KCNIP4: variants seen among roughly 807,000 people sequenced by gnomAD.
The protein encoded by KCNIP4 is Kv channel-interacting protein 4.
Under a neutral mutation model 34.0 loss-of-function variants are expected in KCNIP4, and 12 were observed. The ratio of observed to expected loss-of-function variants is 0.35; its 90% confidence interval spans 0.23 to 0.57. KCNIP4 has a LOEUF of 0.57. Among genes scored for constraint, KCNIP4 ranks in the 20% least tolerant of loss-of-function variants. The pLI is 0.83. For synonymous variants in KCNIP4, 124 were observed against 102.2 expected (o/e 1.21, Z -1.29); for missense variants, 238 against 311.7 (o/e 0.76, Z 1.78).
intron 1 of KCNIP4, among the ~76,000 whole-genome samples, chr4:21,922,140 G>C (rs944948431): frequency 6.6e-6 from 1 of 152,182 alleles, no homozygotes; most frequent in African/African-American, 2.4e-5. Context: ...CCTCCAGATA[G>C]TCACATAGAT....
In KCNIP4 at chr4:21,370,986, G is replaced by A. The variant is rs527986017; in HGVS notation, c.62-488277C>T. ...AGCCAAATCTTTGAGCAGTGGAAGG[G>A]GTAGGGATCTAGCTCACAAATATGG... is the stretch of plus-strand genomic sequence containing the variant. On this transcript the variant is annotated intron_variant, in intron 1 of 8. Transcript: ENST00000382152. 3.1e-4 allele frequency among the ~76,000 whole-genome samples: 43 copies of A among 138,574 alleles called. 1 individual carries two copies. The Middle Eastern group carries it at 0.017, about 56-fold the overall frequency. 90.9% of individuals were successfully genotyped at this position (138,574 alleles called of 152,430 possible).
At chr4:21,307,976 T>A (rs551719851) in intron 1 of KCNIP4, among the ~76,000 whole-genome samples, 87 of 152,344 alleles carry the variant, frequency 5.7e-4, no homozygotes, top group Middle Eastern at 3.4e-3. Context: ...GATAAGTACC[T>A]TGGATAGCAT....
chr4:21,626,546 T>G (rs1276135480), intron 1 of KCNIP4, among the ~76,000 whole-genome samples: 1 of 151,830 alleles, frequency 6.6e-6, no homozygotes, highest in Non-Finnish European at 1.5e-5. Context: ...AAAATAAATT[T>G]CTGTTGTTTA....
intron 2 of KCNIP4, among the ~76,000 whole-genome samples, chr4:20,882,147 GA>G (rs1355075401): frequency 6.6e-6 from 1 of 152,198 alleles, no homozygotes; most frequent in Non-Finnish European, 1.5e-5. Context: ...CAACAAAGAA[GA>G]AAAGTCACGT....
At chr4:21,321,104 T>A in intron 1 of KCNIP4, among the ~76,000 whole-genome samples, 1 of 151,974 alleles carries the variant, frequency 6.6e-6, no homozygotes, top group Non-Finnish European at 1.5e-5. Flanking sequence ...TCAAAAGACC[T>A]CAGTAAGAAC....
At chr4:21,386,212 C>T (rs1186120147) in intron 1 of KCNIP4, among the ~76,000 whole-genome samples, 2 of 152,136 alleles carry the variant, frequency 1.3e-5, no homozygotes, top group Non-Finnish European at 2.9e-5. Flanking sequence ...TACCTTTCCT[C>T]TTAGACAATA....
intron 1 of KCNIP4, among the ~76,000 whole-genome samples, chr4:21,819,951 T>C (rs933754672): frequency 3.3e-5 from 5 of 152,122 alleles, no homozygotes; most frequent in Non-Finnish European, 7.4e-5. Flanking sequence ...CTTAAAATAC[T>C]GGAGCAATGC....
chr4:20,738,235 A>G (rs923604528), intron 5 of KCNIP4, among the ~76,000 whole-genome samples: 3 of 152,232 alleles, frequency 2.0e-5, no homozygotes, highest in African/African-American at 4.8e-5. Context: ...GAAAGGCTAG[A>G]TGAGATTGAT....
intron 1 of KCNIP4, among the ~76,000 whole-genome samples, chr4:21,574,980 C>A (rs1740641553): frequency 6.6e-6 from 1 of 152,094 alleles, no homozygotes; most frequent in Non-Finnish European, 1.5e-5. Context: ...GTAAAAATAT[C>A]CATGAACTAA....
At chr4:21,675,741 G>A (rs1323734420) in intron 1 of KCNIP4, among the ~76,000 whole-genome samples, 1 of 152,202 alleles carries the variant, frequency 6.6e-6, no homozygotes, top group South Asian at 2.1e-4. Flanking sequence ...GTGTTGATAC[G>A]GACATATGTG....
intron 1 of KCNIP4, among the ~76,000 whole-genome samples, chr4:21,630,149 C>A (rs1745644687): frequency 6.6e-6 from 1 of 151,306 alleles, no homozygotes; most frequent in Non-Finnish European, 1.5e-5. Context: ...CAGGTGTGAG[C>A]CACCATACCC....
intron 1 of KCNIP4, among the ~76,000 whole-genome samples, chr4:21,763,826 A>C (rs1252474298): frequency 1.3e-5 from 2 of 152,162 alleles, no homozygotes; most frequent in South Asian, 2.1e-4. Flanking sequence ...CAAGAAAAAC[A>C]ATCACTGATT....
At chr4:21,067,100 C>T (rs1460134127) in intron 1 of KCNIP4, among the ~76,000 whole-genome samples, 5 of 152,140 alleles carry the variant, frequency 3.3e-5, no homozygotes, top group Admixed American at 1.3e-4. Flanking sequence ...AGTCCTGAGG[C>T]CCCATTCCAG....
At chr4:21,385,454 C>T (rs562229142) in intron 1 of KCNIP4, among the ~76,000 whole-genome samples, 34 of 152,156 alleles carry the variant, frequency 2.2e-4, no homozygotes, top group South Asian at 4.2e-4. Flanking sequence ...GCTCCCATAC[C>T]GGAATGCCTG....
chr4:21,640,239 G>A (rs752861675), intron 1 of KCNIP4, among the ~76,000 whole-genome samples: 25 of 152,172 alleles, frequency 1.6e-4, no homozygotes, highest in Non-Finnish European at 3.1e-4. Flanking sequence ...TTGGGCGACT[G>A]AGGGCTGCCA....
At chr4:20,834,767 TCCTCTGCTTCTCTG>T (rs1228557471) in intron 3 of KCNIP4, among the ~76,000 whole-genome samples, 1 of 152,154 alleles carries the variant, frequency 6.6e-6, no homozygotes, top group East Asian at 1.9e-4. Flanking sequence ...TTCCCAAACC[TCCTCTGCTTCTCTG>T]CAGGTGCCAG....
At chr4:21,836,355 A>G (rs1405275892) in intron 1 of KCNIP4, among the ~76,000 whole-genome samples, 2 of 152,156 alleles carry the variant, frequency 1.3e-5, no homozygotes, top group South Asian at 4.1e-4. Flanking sequence ...AAAGCCTAGA[A>G]AGGAGATAAT....
intron 3 of KCNIP4, among the ~76,000 whole-genome samples, chr4:20,844,932 G>A (rs1361390321): frequency 6.6e-6 from 1 of 152,084 alleles, no homozygotes; most frequent in Non-Finnish European, 1.5e-5. Flanking sequence ...TCATGAAATT[G>A]CCCAAGGAGG....
In KCNIP4 at chr4:21,201,131, G is replaced by C. The variant is rs138418102; in HGVS notation, c.62-318422C>G. 3.6e-3 allele frequency among the ~76,000 whole-genome samples: 548 copies of C among 152,270 alleles called. 4 individuals carry two copies. The highest frequency in any genetic ancestry group is 0.021 in the South Asian group (101 of 4,824). On this transcript the variant is annotated intron_variant, in intron 1 of 8. Coordinates refer to ENST00000382152, the MANE Select transcript of KCNIP4 (RefSeq NM_025221.6). Reference sequence around the variant, plus strand: ...GTAACTTACCATTCCAATAAAGAAGGAATGTGGAGGATTCAGATGAGATTG... The same window carrying C: ...GTAACTTACCATTCCAATAAAGAAGCAATGTGGAGGATTCAGATGAGATTG...
Sources: allele counts gnomAD v4.1 joint callset (sites outside exome capture counted in the v4.1 genomes callset), GRCh38; gene constraint gnomAD v4.1.1; transcripts MANE v1.5; gene names NCBI Gene and HGNC (gene_info 2026-07-23, HGNC 2026-07-21).